The following FHIT variants were observed in gnomAD, a reference collection of about 807,000 sequenced individuals.
The protein encoded by FHIT is bis(5'-adenosyl)-triphosphatase.
In FHIT, 19 loss-of-function variants were observed where a neutral mutation model predicts 17.9. The ratio of observed to expected loss-of-function variants is 1.06; its 90% CI spans 0.74 to 1.56. FHIT has a LOEUF of 1.56. Among genes scored for constraint, FHIT ranks in the 40% most tolerant of loss-of-function variants. FHIT has a pLI of 0.00. For missense variants in FHIT, 248 were observed against 189.2 expected, an observed-to-expected ratio of 1.31 and a Z score of -1.82; for synonymous variants, 81 against 69.7, an observed-to-expected ratio of 1.16 and a Z score of -0.81.
chr3:60,744,831 T>C (rs1208235660), intron 4 of FHIT, among the ~76,000 whole-genome samples: 2 of 152,212 alleles, frequency 1.3e-5, no homozygotes, highest in African/African-American at 4.8e-5. Context: ...TAAACTTGTA[T>C]TGAATTTATT....
At chr3:59,809,630 C>G (rs1244524770) in intron 8 of FHIT, among the ~76,000 whole-genome samples, 2 of 152,314 alleles carry the variant, frequency 1.3e-5, no homozygotes, top group Middle Eastern at 3.4e-3. Flanking sequence ...AGTTCAACTT[C>G]TGAACACGGG....
intron 5 of FHIT, among the ~76,000 whole-genome samples, chr3:60,026,306 T>C (rs974323840): frequency 1.5e-5 from 2 of 129,340 alleles, no homozygotes; most frequent in Non-Finnish European, 3.2e-5. Context: ...GCTGAACGAA[T>C]GGTTGGTTTA....
chr3:59,953,425 A>G (rs771393794), intron 7 of FHIT, among the ~76,000 whole-genome samples: 2 of 151,744 alleles, frequency 1.3e-5, no homozygotes, highest in Non-Finnish European at 2.9e-5. Flanking sequence ...CTTAGAGTTG[A>G]CCCATTTCAA....
intron 5 of FHIT, among the ~76,000 whole-genome samples, chr3:60,154,998 G>C (rs935147480): frequency 1.3e-5 from 2 of 151,938 alleles, no homozygotes; most frequent in African/African-American, 4.8e-5. Context: ...CTAAGAGTTT[G>C]AGACCACTCT....
In FHIT at chr3:60,572,328, C is replaced by A. The variant is rs77759030; in HGVS notation, c.-17-35349G>T. Among the ~76,000 whole-genome samples the A allele has an allele frequency of 4.7e-3, 704 of 150,366 alleles. 17 individuals carry two copies. The highest frequency in any genetic ancestry group is 0.034 in the Admixed American group (518 of 15,202). The stretch of plus-strand genomic sequence containing the variant: ...TATTTGAATGTTCATATATATAATT[C>A]TTTCTTTTTAATTACTCCAAGCTGA... On this transcript the variant is annotated intron_variant, in intron 4 of 9. Coordinates refer to ENST00000492590, the MANE Select transcript of FHIT (RefSeq NM_002012.4).
intron 4 of FHIT, chr3:60,617,591 T>C (rs1215659173): frequency 1.3e-5 from 2 of 152,772 alleles, no homozygotes; most frequent in Admixed American, 6.5e-5. Context: ...CAGTAGGGAA[T>C]TGCTATTTTA....
intron 5 of FHIT, among the ~76,000 whole-genome samples, chr3:60,347,678 G>A (rs74883138): frequency 1.2e-5 from 1 of 83,654 alleles, no homozygotes; most frequent in South Asian, 6.0e-4. Flanking sequence ...ACTGGTTTGG[G>A]GGGGGGGGGG....
chr3:60,423,813 C>T (rs148315566), intron 5 of FHIT, among the ~76,000 whole-genome samples: 2 of 152,076 alleles, frequency 1.3e-5, no homozygotes, highest in African/African-American at 4.8e-5. Context: ...AAATACAGTG[C>T]CCCTAGCTAA....
chr3:60,015,846 A>G (rs1343104853), intron 5 of FHIT, among the ~76,000 whole-genome samples: 6 of 149,174 alleles, frequency 4.0e-5, no homozygotes, highest in Non-Finnish European at 8.8e-5. Flanking sequence ...GACATCCAAA[A>G]ATGTTTTTTT....
At chr3:61,182,358 A>G (rs1300171480) in intron 2 of FHIT, among the ~76,000 whole-genome samples, 1 of 152,238 alleles carries the variant, frequency 6.6e-6, no homozygotes, top group Admixed American at 6.5e-5. Context: ...TCTATGAGCC[A>G]GTGTTCTATA....
rs2040040326 is a variant in FHIT, at chr3:61,229,189, T to C, written c.-213+22112A>G. On this transcript the variant is annotated intron_variant, in intron 1 of 9. Transcript: ENST00000492590. ...TAAGAATCTTGAGATGAGATCATAC[T>C]GGATTGTCTGGGTGAGCTCTAAATA... is the stretch of plus-strand genomic sequence containing the variant. Among the ~76,000 whole-genome samples, 2 of 152,306 alleles carry C rather than the reference T, an allele frequency of 1.3e-5. 1 individual carries two copies. The highest frequency in any genetic ancestry group is 4.1e-4 in the South Asian group (2 of 4,832).
intron 5 of FHIT, among the ~76,000 whole-genome samples, chr3:60,151,681 A>G (rs1700471263): frequency 6.6e-6 from 1 of 152,016 alleles, no homozygotes; most frequent in Non-Finnish European, 1.5e-5. Flanking sequence ...TCAACATTCC[A>G]AGATCTTTCT....
At position 60,801,589 on chromosome 3, in the gene FHIT, C is replaced by T. The variant is rs73836147; in HGVS notation, c.-18+20330G>A. Among the ~76,000 whole-genome samples the T allele has an allele frequency of 6.7e-3, 1,016 of 152,342 alleles. 8 individuals carry two copies. Among genetic ancestry groups the T allele is most frequent in the African/African-American group, 0.023 (962 of 41,570 alleles). ...TGTCTTGGGCTATCTGCCTGATACA[C>T]ATTTTCAGTTAGGCACGTCATGTGA... On this transcript the variant is annotated intron_variant, in intron 4 of 9. Coordinates refer to ENST00000492590, the MANE Select transcript of FHIT (RefSeq NM_002012.4).
chr3:60,497,600 TA>T (rs199757535), intron 5 of FHIT, among the ~76,000 whole-genome samples: 1 of 152,194 alleles, frequency 6.6e-6, no homozygotes, highest in African/African-American at 2.4e-5. Flanking sequence ...CACAGAGCTA[TA>T]AAAGGAAGAC....
intron 4 of FHIT, among the ~76,000 whole-genome samples, chr3:60,666,161 G>T (rs1397005392): frequency 1.3e-5 from 2 of 152,040 alleles, no homozygotes; most frequent in Admixed American, 6.6e-5. Flanking sequence ...ACAGTTTATT[G>T]TATGTACCCA....
chr3:59,856,172 A>G (rs991866836), intron 8 of FHIT, among the ~76,000 whole-genome samples: 14 of 152,222 alleles, frequency 9.2e-5, no homozygotes, highest in African/African-American at 3.1e-4. Context: ...ATAAATGGCT[A>G]TTGTCAACAA....
intron 5 of FHIT, among the ~76,000 whole-genome samples, chr3:60,102,396 C>T (rs1050542229): frequency 6.6e-6 from 1 of 152,118 alleles, no homozygotes; most frequent in Admixed American, 6.5e-5. Context: ...ATGGAAGCAA[C>T]GAGAAATGCA....
chr3:59,909,835 T>C (rs957266149), intron 8 of FHIT, among the ~76,000 whole-genome samples: 1 of 152,212 alleles, frequency 6.6e-6, no homozygotes, highest in Non-Finnish European at 1.5e-5. Flanking sequence ...TGATGTTTCC[T>C]TCACATTATC....
chr3:60,378,671 A>T (rs891579658), intron 5 of FHIT, among the ~76,000 whole-genome samples: 3 of 152,208 alleles, frequency 2.0e-5, no homozygotes, highest in African/African-American at 7.2e-5. Flanking sequence ...TTATTTTGCT[A>T]CTATGGTAAT....
Sources: allele counts gnomAD v4.1 joint callset (sites outside exome capture counted in the v4.1 genomes callset), GRCh38; gene constraint gnomAD v4.1.1; transcripts MANE v1.5; gene names NCBI Gene and HGNC (gene_info 2026-07-23, HGNC 2026-07-21).